The following STPG2 variants were observed in gnomAD, a reference collection of about 807,000 sequenced individuals.
The protein encoded by STPG2 is sperm tail PG-rich repeat containing 2.
STPG2 carries 56 observed loss-of-function variants against 54.2 expected under a neutral mutation model. That is an observed-to-expected ratio of 1.03 (90% CI 0.83 to 1.29). The LOEUF (loss-of-function observed/expected upper bound fraction) is 1.29. STPG2 is among the 50% of genes most tolerant of loss of function. STPG2 has a pLI of 0.00. For synonymous variants in STPG2, 200 were observed against 181.8 expected (o/e 1.10, Z -0.81); for missense variants, 596 against 544.9 (o/e 1.09, Z -0.93).
intron 10 of STPG2, among the ~76,000 whole-genome samples, chr4:97,628,121 T>C (rs903654156): frequency 6.6e-6 from 1 of 152,130 alleles, no homozygotes; most frequent in African/African-American, 2.4e-5. Context: ...CCCAGTCAAG[T>C]TGACACATAA....
chr4:97,751,631 T>C (rs1409727515), intron 9 of STPG2, among the ~76,000 whole-genome samples: 2 of 151,808 alleles, frequency 1.3e-5, no homozygotes, highest in Admixed American at 6.6e-5. Flanking sequence ...AACTTTGGAA[T>C]AGACAGTGTG....
chr4:97,457,883 C>T (rs750122228), intron 4 of STPG2, among the ~76,000 whole-genome samples: 2 of 152,024 alleles, frequency 1.3e-5, no homozygotes, highest in Non-Finnish European at 2.9e-5. Context: ...GCTTAAATAA[C>T]CATGATGAAG....
rs556126973 is a variant in STPG2, at chr4:97,565,851, G to T, written c.1321-6734C>A. ...GGTGTCATTCTGCCGCTACTGGGGG[G>T]TGCCTCCCAGTTAGGCTGCTCAGAG... On this transcript the variant is annotated intron_variant, in intron 10 of 10. Transcript: ENST00000295268. Among the ~76,000 whole-genome samples, 50 of 152,024 alleles carry T rather than the reference G, an allele frequency of 3.3e-4. No individual in the cohort carries two copies. The East Asian group carries it at 8.7e-3, about 27-fold the overall frequency.
rs1191573014 is a variant in STPG2 at position 98,022,075 on chromosome 4, T to G, written c.613-40757A>C. ...TCCTGTCATTATGATGTTAGCTGGT[T>G]ATTTTGCTTGTTAGTTGATGCAGTT... On this transcript the variant is annotated intron_variant, in intron 5 of 10. Transcript: ENST00000295268. Among the ~76,000 whole-genome samples, 43 of 152,156 alleles carry G rather than the reference T, an allele frequency of 2.8e-4. No individual in the cohort carries two copies. The South Asian group carries it at 7.3e-3, about 26-fold the overall frequency.
chr4:97,562,564 T>C (rs549543751), intron 10 of STPG2, among the ~76,000 whole-genome samples: 1 of 152,310 alleles, frequency 6.6e-6, no homozygotes, highest in East Asian at 1.9e-4. Context: ...TTCAGTATGA[T>C]ATTGGCTGTG....
chr4:98,048,245 T>A (rs748161774), intron 5 of STPG2, among the ~76,000 whole-genome samples: 7 of 152,182 alleles, frequency 4.6e-5, no homozygotes, highest in Middle Eastern at 3.4e-3. Context: ...ATCTACAAGA[T>A]AAAATAAGAT....
At chr4:97,676,895 AT>A (rs1011410171) in intron 10 of STPG2, among the ~76,000 whole-genome samples, 3 of 152,142 alleles carry the variant, frequency 2.0e-5, no homozygotes, top group African/African-American at 7.2e-5. Flanking sequence ...AAAAACCTGC[AT>A]TTTTAAACTC....
intron 2 of STPG2, among the ~76,000 whole-genome samples, chr4:98,128,844 C>T (rs949905625): frequency 2.6e-5 from 4 of 152,076 alleles, no homozygotes; most frequent in African/African-American, 4.8e-5. Context: ...ATTCTCCCCT[C>T]GACCTCAGCC....
At chr4:97,561,986 T>C (rs1424796095) in intron 10 of STPG2, among the ~76,000 whole-genome samples, 7 of 152,156 alleles carry the variant, frequency 4.6e-5, no homozygotes, top group Non-Finnish European at 1.0e-4. Flanking sequence ...AGAAAGTCAT[T>C]GGTAGCTTGA....
chr4:98,096,698 G>T (rs1367694446), intron 5 of STPG2, among the ~76,000 whole-genome samples: 2 of 151,906 alleles, frequency 1.3e-5, no homozygotes, highest in African/African-American at 4.8e-5. Context: ...TTTTTGAAAA[G>T]ATAAACAAAT....
intron 9 of STPG2, among the ~76,000 whole-genome samples, chr4:97,821,538 C>A (rs979044015): frequency 6.6e-6 from 1 of 152,170 alleles, no homozygotes; most frequent in African/African-American, 2.4e-5. Context: ...CTGTGTGGGG[C>A]CTCCAACCCC....
chr4:97,737,306 A>G (rs1054709292), intron 9 of STPG2, among the ~76,000 whole-genome samples: 4 of 152,210 alleles, frequency 2.6e-5, no homozygotes, highest in Non-Finnish European at 5.9e-5. Flanking sequence ...CAGAGTGCCT[A>G]TCCTCCTCCA....
chr4:97,678,617 C>CTTTTA (rs1209376232), intron 10 of STPG2, among the ~76,000 whole-genome samples: 6 of 151,376 alleles, frequency 4.0e-5, no homozygotes, highest in Admixed American at 6.6e-5. Flanking sequence ...TTTTTGACTT[C>CTTTTA]TTTTATTTTA....
At chr4:97,899,750 G>C (rs115958481) in intron 8 of STPG2, among the ~76,000 whole-genome samples, 1 of 152,026 alleles carries the variant, frequency 6.6e-6, no homozygotes, top group Non-Finnish European at 1.5e-5. Flanking sequence ...AAATGGTGCC[G>C]GGATAACTGG....
chr4:97,492,651 T>TC (rs1237242820), intron 4 of STPG2, among the ~76,000 whole-genome samples: 1 of 151,122 alleles, frequency 6.6e-6, no homozygotes, highest in Non-Finnish European at 1.5e-5. Flanking sequence ...AAAACTTTTT[T>TC]TTTTTCTATA....
Position 97,976,555 on chromosome 4 carries a change from T to A in STPG2, c.773-4115A>T, listed in dbSNP as rs562936541. On this transcript the variant is annotated intron_variant, in intron 6 of 10. Transcript: ENST00000295268. ...AAATGCCCAGGAACCCCAGATCAGA[T>A]CTGCTATGGGAGAGTTAAAAGGTTT... Among the ~76,000 whole-genome samples the A allele has an allele frequency of 2.9e-4, 44 of 152,246 alleles. No individual in the cohort carries two copies. In the South Asian group the frequency reaches 8.7e-3, roughly 30 times the overall value.
intron 10 of STPG2, among the ~76,000 whole-genome samples, chr4:97,562,987 C>T (rs1162621589): frequency 4.6e-5 from 7 of 152,070 alleles, no homozygotes; most frequent in Non-Finnish European, 8.8e-5. Context: ...CCCTCTTTTT[C>T]TATTGATAGG....
chr4:98,026,944 T>C (rs1312706685), intron 5 of STPG2, among the ~76,000 whole-genome samples: 4 of 152,204 alleles, frequency 2.6e-5, no homozygotes, highest in African/African-American at 7.2e-5. Context: ...TTATCAACAT[T>C]CACATTATTG....
At chr4:97,795,781 T>C (rs899884828) in intron 9 of STPG2, among the ~76,000 whole-genome samples, 2 of 152,204 alleles carry the variant, frequency 1.3e-5, no homozygotes, top group Non-Finnish European at 2.9e-5. Context: ...CCACACTGTC[T>C]TCCACAATGG....
Sources: gnomAD v4.1 joint callset for allele counts (sites outside exome capture counted in the v4.1 genomes callset) on GRCh38, gnomAD v4.1.1 for gene constraint, MANE v1.5 for transcripts, NCBI Gene and HGNC (gene_info 2026-07-23, HGNC 2026-07-21) for gene names.